PGR: variants seen among roughly 807,000 people sequenced by gnomAD.
The protein encoded by PGR is progesterone receptor.
PGR carries 25 observed loss-of-function variants against 76.1 expected under a neutral mutation model. That is an observed-to-expected ratio of 0.33 (90% CI 0.24 to 0.46). The LOEUF is 0.46. Among genes scored for constraint, PGR ranks in the 20% least tolerant of loss-of-function variants. The pLI, the probability that PGR is intolerant of heterozygous loss-of-function variation, is 1.00. For synonymous variants in PGR, 579 were observed against 535.0 expected (o/e 1.08, Z -1.14); for missense variants, 1,172 against 1,225.3 (o/e 0.96, Z 0.65).
intron 3 of PGR, among the ~76,000 whole-genome samples, chr11:101,082,546 T>C (rs1360440888): frequency 1.3e-5 from 2 of 151,370 alleles, no homozygotes; most frequent in Non-Finnish European, 3.0e-5. Flanking sequence ...TTAGGTGGTC[T>C]CAGATGGAGT....
chr11:101,111,319 G>A (rs1340690201), intron 2 of PGR, among the ~76,000 whole-genome samples: 1 of 152,090 alleles, frequency 6.6e-6, no homozygotes, highest in Non-Finnish European at 1.5e-5. Flanking sequence ...TATATTTCAG[G>A]TTCACTGCTT....
intron 3 of PGR, among the ~76,000 whole-genome samples, chr11:101,082,876 A>G (rs1434189627): frequency 6.6e-6 from 1 of 152,210 alleles, no homozygotes; most frequent in Non-Finnish European, 1.5e-5. Flanking sequence ...GAGACAAAAA[A>G]ACATTTCCTG....
chr11:101,097,603 T>C (rs1861872906), intron 2 of PGR, among the ~76,000 whole-genome samples: 1 of 152,212 alleles, frequency 6.6e-6, no homozygotes, highest in South Asian at 2.1e-4. Context: ...CTCAACAGTA[T>C]AAGACATATG....
At chr11:101,056,112 CAG>C (rs1860280009) in intron 4 of PGR, among the ~76,000 whole-genome samples, 1 of 151,814 alleles carries the variant, frequency 6.6e-6, no homozygotes, top group African/African-American at 2.4e-5. Context: ...GATGGGAACA[CAG>C]AGATTAAATT....
intron 3 of PGR, 145 bp downstream of exon 3, chr11:101,091,615 A>G (rs1861675734): frequency 1.5e-6 from 1 of 666,892 alleles, no homozygotes; most frequent in South Asian, 1.7e-5. Flanking sequence ...TGCTTCATTC[A>G]GACACTCACA....
chr11:101,123,689 T>C (rs117112396), intron 2 of PGR, among the ~76,000 whole-genome samples: 5 of 152,344 alleles, frequency 3.3e-5, no homozygotes, highest in African/African-American at 4.8e-5. Context: ...ATATCTTCCA[T>C]GTAGACTTCT....
At chr11:101,045,695 GTA>G (rs1491013707) in intron 6 of PGR, among the ~76,000 whole-genome samples, 6 of 144,062 alleles carry the variant, frequency 4.2e-5, no homozygotes, top group East Asian at 2.2e-4. Flanking sequence ...GTGTGTGTGT[GTA>G]TGTATGTATA....
intron 2 of PGR, among the ~76,000 whole-genome samples, chr11:101,106,412 G>T (rs920572622): frequency 6.6e-6 from 1 of 152,160 alleles, no homozygotes; most frequent in Admixed American, 6.5e-5. Context: ...CAAAGGATAT[G>T]AGCAGACACT....
intron 3 of PGR, among the ~76,000 whole-genome samples, chr11:101,082,843 C>T (rs1387342797): frequency 6.6e-6 from 1 of 152,118 alleles, no homozygotes; most frequent in Non-Finnish European, 1.5e-5. Context: ...TATTTGTAGC[C>T]TGGCCATGTG....
At chr11:101,100,840 G>A (rs1027323348) in intron 2 of PGR, among the ~76,000 whole-genome samples, 1 of 151,990 alleles carries the variant, frequency 6.6e-6, no homozygotes, top group Non-Finnish European at 1.5e-5. Context: ...ATAATGCACA[G>A]GACATCCCCC....
chr11:101,068,593 TATC>T (rs1565342177), intron 3 of PGR, among the ~76,000 whole-genome samples: 1 of 151,786 alleles, frequency 6.6e-6, no homozygotes, highest in Admixed American at 6.6e-5. Flanking sequence ...AAGCTGGAGG[TATC>T]ATGCTACCTG....
rs1862921664 is a variant in PGR, at chr11:101,127,863, G to C, written c.1208C>G (p.Ser403Cys). The C allele has an allele frequency of 1.3e-6, 2 of 1,598,280 alleles. No homozygotes were observed. Among genetic ancestry groups the C allele is most frequent in the South Asian group, 2.2e-5 (2 of 90,530 alleles). ...GGGGTTGGCACCGGCCACAAGGTAGGAACGCGGGGAGCGCGCGGAGGCCTC... is the reference window on the plus strand; with the variant it reads ...GGGGTTGGCACCGGCCACAAGGTAGCAACGCGGGGAGCGCGCGGAGGCCTC... Reference protein sequence around the residue: ...GAEASARSPRSYLVAGANPAA... With the variant: ...GAEASARSPRCYLVAGANPAA... Residue 403 changes from serine to cysteine, a missense_variant, in exon 1 of 8, where the codon TCC becomes TGC. Coordinates refer to ENST00000325455, the MANE Select transcript of PGR (RefSeq NM_000926.4).
intron 3 of PGR, among the ~76,000 whole-genome samples, chr11:101,067,304 C>T (rs922607611): frequency 2.0e-5 from 3 of 152,058 alleles, no homozygotes; most frequent in African/African-American, 7.2e-5. Context: ...CCAAAATACA[C>T]AAAGAATTCC....
chr11:101,050,892 A>C (rs1469621874), intron 5 of PGR: 1 of 204,950 alleles, frequency 4.9e-6, no homozygotes, highest in Middle Eastern at 4.8e-4. Flanking sequence ...GACTTATATA[A>C]GTGTGAGTTA....
At chr11:101,047,745 T>A (rs1473442269) in intron 6 of PGR, among the ~76,000 whole-genome samples, 1 of 152,098 alleles carries the variant, frequency 6.6e-6, no homozygotes, top group East Asian at 1.9e-4. Flanking sequence ...AGTTTGTACA[T>A]TTGAGGGCTG....
chr11:101,071,399 A>G (rs1424858334), intron 3 of PGR, among the ~76,000 whole-genome samples: 5 of 152,136 alleles, frequency 3.3e-5, no homozygotes. Flanking sequence ...GAAAATTCCA[A>G]AAATCAGAAT....
At chr11:101,107,123 G>A (rs879392240) in intron 2 of PGR, among the ~76,000 whole-genome samples, 3 of 152,120 alleles carry the variant, frequency 2.0e-5, no homozygotes, top group Non-Finnish European at 4.4e-5. Context: ...GTGACGGGTT[G>A]ACGGGTGCAG....
chr11:101,128,032 A>T lies in PGR; in HGVS notation c.1039T>A (p.Cys347Ser). Reference sequence around the variant, plus strand: ...ACAGCGACCGGGGTGGACGAGGCACAGGGTGAACTCCGCGGCGGGGCAAAG... The same window carrying T: ...ACAGCGACCGGGGTGGACGAGGCACTGGGTGAACTCCGCGGCGGGGCAAAG... ...SAFAPPRSSPCASSTPVAVGD... is the reference protein window; with the variant it reads ...SAFAPPRSSPSASSTPVAVGD... Residue 347 changes from cysteine to serine, a missense_variant, in exon 1 of 8, where the codon TGT becomes AGT. Cys to Ser is a moderately radical substitution (Grantham distance 112). Around this residue, in one of 4 missense-constraint regions of PGR, gnomAD observed 893 missense variants for 785.9 expected, o/e 1.14. Transcript: ENST00000325455. 6.2e-7 allele frequency: 1 copy of T among 1,607,758 alleles called. No homozygotes were observed. Among genetic ancestry groups the T allele is most frequent in the Non-Finnish European group, 8.5e-7 (1 of 1,179,800 alleles).
intron 2 of PGR, among the ~76,000 whole-genome samples, chr11:101,117,140 G>A (rs889702728): frequency 6.6e-6 from 1 of 152,060 alleles, no homozygotes; most frequent in South Asian, 2.1e-4. Flanking sequence ...CCAAAGTAAC[G>A]CATATTTTAA....
Sources: allele counts gnomAD v4.1 joint callset (sites outside exome capture counted in the v4.1 genomes callset), GRCh38; gene constraint gnomAD v4.1.1; regional missense constraint gnomAD v4.1.1; transcripts MANE v1.5; gene names NCBI Gene and HGNC (gene_info 2026-07-23, HGNC 2026-07-21).